The following ARMH4 variants were observed in gnomAD, a reference collection of about 807,000 sequenced individuals.
ARMH4 encodes armadillo like helical domain containing 4.
ARMH4 carries 49 observed loss-of-function variants against 61.9 expected under a neutral mutation model. That is an observed-to-expected ratio of 0.79 (90% CI 0.63 to 1.00). The LOEUF (loss-of-function observed/expected upper bound fraction) is 1.00. ARMH4 is among the 50% of genes least tolerant of loss of function. The probability of loss-of-function intolerance (pLI) is 0.00; values close to 1 mark genes in which losing one functional copy is unlikely to be tolerated. For synonymous variants in ARMH4, 368 were observed against 341.5 expected, an observed-to-expected ratio of 1.08 and a Z score of -0.85; for missense variants, 934 against 930.0, an observed-to-expected ratio of 1.00 and a Z score of -0.06.
At chr14:58,071,394 G>A (rs1195539880) in intron 5 of ARMH4, among the ~76,000 whole-genome samples, 2 of 152,046 alleles carry the variant, frequency 1.3e-5, no homozygotes, top group Non-Finnish European at 2.9e-5. Context: ...TAGAGATAGA[G>A]CAAATACCGA....
In ARMH4 at chr14:58,002,074, G is replaced by T. The variant is rs1002062209; in HGVS notation, c.*2662C>A. 1.9e-4 allele frequency: 29 copies of T among 151,758 alleles called. No homozygotes were observed. The highest frequency in any genetic ancestry group is 6.3e-4 in the African/African-American group (26 of 41,300). The allele number at this position is 151,758 out of a possible 1,614,324, so 9.4% of individuals were successfully genotyped here. A position where few individuals can be genotyped will look rare whatever the true frequency, so the allele number is the denominator to read the frequency against. ...ATAAGCATACTTGTCACTTATTTTG[G>T]GTAAACCTACAAGTGCCTGATTTAC... is the stretch of plus-strand genomic sequence containing the variant. On this transcript the variant is annotated 3_prime_UTR_variant, in exon 8 of 8. Transcript: ENST00000267485.
intron 1 of ARMH4, among the ~76,000 whole-genome samples, chr14:58,143,377 C>T (rs1232819052): frequency 6.6e-6 from 1 of 152,170 alleles, no homozygotes; most frequent in Admixed American, 6.5e-5. Flanking sequence ...GAGACGGGTG[C>T]TAAGTTTCCC....
chr14:58,126,647 C>T (rs1309546799), intron 4 of ARMH4, among the ~76,000 whole-genome samples: 1 of 151,750 alleles, frequency 6.6e-6, no homozygotes, highest in Non-Finnish European at 1.5e-5. Flanking sequence ...GTCAAAAACG[C>T]AATCATTTAA....
Position 58,001,588 on chromosome 14 carries a change from A to G in ARMH4, c.*3148T>C, listed in dbSNP as rs527938539. ...ATTGTTATATTTTGTTTTATTGAATAATAGCCATCCCAATAGGTGTGAGGT... is the reference window on the plus strand; with the variant it reads ...ATTGTTATATTTTGTTTTATTGAATGATAGCCATCCCAATAGGTGTGAGGT... On this transcript the variant is annotated 3_prime_UTR_variant, in exon 8 of 8. Coordinates refer to ENST00000267485, the MANE Select transcript of ARMH4 (RefSeq NM_001001872.4). 6.6e-6 allele frequency: 1 copy of G among 152,270 alleles called. No individual in the cohort carries two copies. The highest frequency in any genetic ancestry group is 2.1e-4 in the South Asian group (1 of 4,816). 9.4% of individuals were successfully genotyped at this position (152,270 alleles called of 1,614,324 possible).
At chr14:58,097,774 T>C (rs923547571) in intron 4 of ARMH4, among the ~76,000 whole-genome samples, 1 of 151,868 alleles carries the variant, frequency 6.6e-6, no homozygotes, top group Non-Finnish European at 1.5e-5. Context: ...GGCGTGATCA[T>C]GGTTCACCAC....
chr14:58,096,824 G>A lies in ARMH4; in HGVS notation c.1989C>T (p.Ser663=). The A allele has an allele frequency of 6.2e-7, 1 of 1,614,050 alleles. No homozygotes were observed. Among genetic ancestry groups the A allele is most frequent in the Non-Finnish European group, 8.5e-7 (1 of 1,180,006 alleles). ...LPGFTLPGIT[S]QEPGLEEGNM... ...TTCCCTCCTCTAAGCCTGGTTCCTG[G>A]GATGTGATACCAGGGAGGGTAAAAC... Residue 663 remains serine, a synonymous_variant, in exon 5 of 8, where the codon TCC becomes TCT. Coordinates refer to ENST00000267485, the MANE Select transcript of ARMH4 (RefSeq NM_001001872.4).
At chr14:58,067,536 G>A (rs2141222819) in intron 5 of ARMH4, among the ~76,000 whole-genome samples, 1 of 152,306 alleles carries the variant, frequency 6.6e-6, no homozygotes, top group Admixed American at 6.5e-5. Context: ...AGCCTGGAAG[G>A]GAGATGGTAG....
intron 1 of ARMH4, among the ~76,000 whole-genome samples, chr14:58,144,494 G>A (rs11628610): frequency 0.44 from 67,231 of 151,886 alleles, 15,829 homozygotes; most frequent in Non-Finnish European, 0.54. Context: ...GCAGTGAGCC[G>A]TGATCATACC....
intron 5 of ARMH4, among the ~76,000 whole-genome samples, chr14:58,069,078 C>A (rs1884798180): frequency 6.6e-6 from 1 of 151,970 alleles, no homozygotes. Flanking sequence ...TCCAAACATC[C>A]CCTGACCATC....
At chr14:58,075,019 C>G (rs1751622752) in intron 5 of ARMH4, among the ~76,000 whole-genome samples, 2 of 152,108 alleles carry the variant, frequency 1.3e-5, no homozygotes, top group South Asian at 4.1e-4. Context: ...TAACTAGTCA[C>G]TAGAGAAATG....
intron 1 of ARMH4, among the ~76,000 whole-genome samples, chr14:58,148,846 T>TAC (rs138826141): frequency 0.23 from 33,797 of 145,638 alleles, 4,108 homozygotes; most frequent in Admixed American, 0.33. Context: ...CAGAGTTTAT[T>TAC]ACACACACAC....
intron 3 of ARMH4, 70 bp downstream of exon 3, chr14:58,133,020 T>A: frequency 6.4e-7 from 1 of 1,562,686 alleles, no homozygotes. Flanking sequence ...GCCTCACTCA[T>A]TCTATTCCTA....
At chr14:58,017,415 G>A (rs1882655553) in intron 5 of ARMH4, among the ~76,000 whole-genome samples, 1 of 152,088 alleles carries the variant, frequency 6.6e-6, no homozygotes, top group South Asian at 2.1e-4. Context: ...AAAATGGTTA[G>A]AAGTCATAAA....
intron 5 of ARMH4, among the ~76,000 whole-genome samples, chr14:58,073,440 C>T (rs1402889552): frequency 1.3e-5 from 2 of 152,178 alleles, no homozygotes. Flanking sequence ...TCCTCTTTAT[C>T]AGGTTGTTCT....
At chr14:58,031,949 G>T (rs965832556) in intron 5 of ARMH4, among the ~76,000 whole-genome samples, 4 of 152,018 alleles carry the variant, frequency 2.6e-5, no homozygotes, top group African/African-American at 9.7e-5. Context: ...GCTTTCTACT[G>T]CCCTCAGGAA....
intron 5 of ARMH4, among the ~76,000 whole-genome samples, chr14:58,045,243 A>G (rs541985868): frequency 6.6e-6 from 1 of 152,226 alleles, no homozygotes; most frequent in East Asian, 1.9e-4. Flanking sequence ...CTGGATTAAG[A>G]CAATGTGGCA....
chr14:58,107,674 G>C (rs1439158029), intron 4 of ARMH4, among the ~76,000 whole-genome samples: 2 of 148,768 alleles, frequency 1.3e-5, no homozygotes, highest in Non-Finnish European at 3.0e-5. Context: ...TGATGCAGGA[G>C]AATCGCTTGA....
chr14:58,128,760 C>T (rs1282186773), intron 4 of ARMH4, among the ~76,000 whole-genome samples: 1 of 152,204 alleles, frequency 6.6e-6, no homozygotes, highest in African/African-American at 2.4e-5. Context: ...GCAAACTCTT[C>T]AGAAGCAGAC....
At chr14:58,120,545 A>C (rs1336873188) in intron 4 of ARMH4, among the ~76,000 whole-genome samples, 2 of 152,102 alleles carry the variant, frequency 1.3e-5, no homozygotes, top group African/African-American at 4.8e-5. Context: ...ATTTGAAGAG[A>C]TATATTCTGA....
Sources: gnomAD v4.1 joint callset for allele counts (sites outside exome capture counted in the v4.1 genomes callset) on GRCh38, gnomAD v4.1.1 for gene constraint, MANE v1.5 for transcripts, NCBI Gene and HGNC (gene_info 2026-07-23, HGNC 2026-07-21) for gene names.